The following KCNC2 variants were observed in gnomAD, a reference collection of about 807,000 sequenced individuals.
KCNC2 encodes the protein voltage-gated potassium channel KCNC2.
Under a neutral mutation model 44.5 loss-of-function variants are expected in KCNC2, and 21 were observed. That is an observed-to-expected ratio of 0.47 (90% CI 0.33 to 0.68). The LOEUF is 0.68. Ranked by LOEUF, KCNC2 falls within the 30% of genes least tolerant of loss-of-function variation. The pLI is 0.01. For missense variants in KCNC2, 589 were observed against 826.2 expected (o/e 0.71, Z 3.52); for synonymous variants, 391 against 339.1 (o/e 1.15, Z -1.68).
chr12:75,070,939 T>C (rs566557549), intron 2 of KCNC2, among the ~76,000 whole-genome samples: 39 of 152,332 alleles, frequency 2.6e-4, no homozygotes, highest in African/African-American at 9.4e-4. Context: ...ATATTCTTAA[T>C]GGCAGACATA....
At chr12:75,103,981 G>A (rs1468344341) in intron 2 of KCNC2, among the ~76,000 whole-genome samples, 1 of 152,156 alleles carries the variant, frequency 6.6e-6, no homozygotes, top group African/African-American at 2.4e-5. Context: ...GTATTGTGGT[G>A]TGAGTGTTAG....
intron 2 of KCNC2, among the ~76,000 whole-genome samples, chr12:75,172,469 T>C (rs1193247842): frequency 1.3e-5 from 2 of 151,604 alleles, no homozygotes. Context: ...CCTGCACATG[T>C]AACCCTCAAC....
intron 2 of KCNC2, among the ~76,000 whole-genome samples, chr12:75,055,657 T>G (rs1213981079): frequency 6.6e-6 from 1 of 152,116 alleles, no homozygotes; most frequent in Non-Finnish European, 1.5e-5. Flanking sequence ...TATTGGCTTG[T>G]GAGTCTAATC....
intron 4 of KCNC2, 22 bp from the exon 5 acceptor site, chr12:75,043,263 A>G (rs778492467): frequency 6.2e-7 from 1 of 1,611,166 alleles, no homozygotes; most frequent in Non-Finnish European, 8.5e-7. Flanking sequence ...AAATGCACAG[A>G]CATCAGTTGA....
intron 2 of KCNC2, among the ~76,000 whole-genome samples, chr12:75,164,080 A>G (rs2137539846): frequency 6.6e-6 from 1 of 151,838 alleles, no homozygotes; most frequent in Middle Eastern, 3.4e-3. Context: ...TTTAATAAAT[A>G]CATGACTTAA....
intron 2 of KCNC2, among the ~76,000 whole-genome samples, chr12:75,071,222 T>C (rs948997952): frequency 6.6e-6 from 1 of 152,152 alleles, no homozygotes; most frequent in African/African-American, 2.4e-5. Context: ...AGGCATTACA[T>C]AATGCCAGCG....
rs536284162 is a variant in KCNC2, at chr12:75,115,777, T to C, written c.688-64460A>G. 2.0e-5 allele frequency among the ~76,000 whole-genome samples: 3 copies of C among 152,130 alleles called. No homozygotes were observed. In the East Asian group the frequency reaches 5.8e-4, roughly 29 times the overall value. ...CTTTTTTTAAACAAAATTATTTAAT[T>C]ATTTAAACAAAATTATTTAAGAAAC... On this transcript the variant is annotated intron_variant, in intron 2 of 4. Transcript: ENST00000549446.
At chr12:75,098,275 A>G (rs934841687) in intron 2 of KCNC2, among the ~76,000 whole-genome samples, 6 of 152,166 alleles carry the variant, frequency 3.9e-5, no homozygotes, top group African/African-American at 9.7e-5. Flanking sequence ...AAGTACTCAC[A>G]TGTCTTATTA....
At chr12:75,065,614 C>G (rs1309952085) in intron 2 of KCNC2, among the ~76,000 whole-genome samples, 8 of 151,958 alleles carry the variant, frequency 5.3e-5, no homozygotes, top group Non-Finnish European at 1.2e-4. Flanking sequence ...CAATTGCCTA[C>G]AGTATTCAAT....
intron 2 of KCNC2, among the ~76,000 whole-genome samples, chr12:75,159,442 C>A (rs1247236229): frequency 1.3e-5 from 2 of 151,720 alleles, no homozygotes; most frequent in Non-Finnish European, 2.9e-5. Context: ...CAGTGTATGA[C>A]TGCCTGTTGC....
chr12:75,142,152 A>G (rs1889700831), intron 2 of KCNC2, among the ~76,000 whole-genome samples: 2 of 152,204 alleles, frequency 1.3e-5, no homozygotes, highest in East Asian at 1.9e-4. Context: ...GCTTCATTTC[A>G]TAGCTGAGAA....
intron 2 of KCNC2, among the ~76,000 whole-genome samples, chr12:75,134,218 T>C (rs1364993813): frequency 3.3e-5 from 5 of 151,844 alleles, no homozygotes; most frequent in Non-Finnish European, 7.4e-5. Flanking sequence ...GTACTTAAAA[T>C]ATAATAAAAA....
Position 75,043,242 on chromosome 12 carries a change from C to A in KCNC2, c.1781-1G>T, listed in dbSNP as rs983116997. The A allele has an allele frequency of 2.5e-6, 4 of 1,610,824 alleles. No individual in the cohort carries two copies. Among genetic ancestry groups the A allele is most frequent in the Non-Finnish European group, 8.5e-7 (1 of 1,178,268 alleles). ...TTTAAGCTTCGGGATTTTTCATATC[C>A]TTTTATGAAAAAATGCACAGACATC... On this transcript the variant is annotated splice_acceptor_variant, in intron 4 of 4. Transcript: ENST00000549446. LOFTEE classifies it high-confidence loss of function.
intron 2 of KCNC2, among the ~76,000 whole-genome samples, chr12:75,085,570 C>T (rs149590315): frequency 5.3e-5 from 8 of 152,174 alleles, no homozygotes; most frequent in African/African-American, 1.9e-4. Context: ...AATCTAACAT[C>T]AGAGCCTTTG....
intron 2 of KCNC2, among the ~76,000 whole-genome samples, chr12:75,115,477 T>C (rs999315093): frequency 1.3e-5 from 2 of 152,196 alleles, no homozygotes; most frequent in Non-Finnish European, 2.9e-5. Context: ...TTCATTTTGT[T>C]TATTTACTTA....
In KCNC2 at chr12:75,192,639, G is replaced by C. The variant is rs557586550; in HGVS notation, c.687+14658C>G. 3.3e-5 allele frequency among the ~76,000 whole-genome samples: 5 copies of C among 152,238 alleles called. No homozygotes were observed. The South Asian group carries it at 1.0e-3, about 32-fold the overall frequency. On this transcript the variant is annotated intron_variant, in intron 2 of 4. Transcript: ENST00000549446. ...TGAGAAAATCACACATTATGGCTAG[G>C]CTTCTAATTTTCTCAGTAGGATTGT...
intron 2 of KCNC2, among the ~76,000 whole-genome samples, chr12:75,202,953 C>A (rs2031406856): frequency 6.6e-6 from 1 of 151,600 alleles, no homozygotes; most frequent in Non-Finnish European, 1.5e-5. Context: ...CTTCTCCATG[C>A]ATTCCCAGTA....
intron 2 of KCNC2, among the ~76,000 whole-genome samples, chr12:75,091,856 C>G (rs1885510003): frequency 6.6e-6 from 1 of 151,550 alleles, no homozygotes; most frequent in South Asian, 2.1e-4. Flanking sequence ...TATGGAAATA[C>G]TATACATTTT....
At chr12:75,130,026 C>A (rs1250730138) in intron 2 of KCNC2, among the ~76,000 whole-genome samples, 2 of 152,132 alleles carry the variant, frequency 1.3e-5, no homozygotes, top group Non-Finnish European at 2.9e-5. Context: ...AGTTCTTTTT[C>A]TGTTTACCCT....
Sources: gnomAD v4.1 joint callset for allele counts (sites outside exome capture counted in the v4.1 genomes callset) on GRCh38, gnomAD v4.1.1 for gene constraint, MANE v1.5 for transcripts, NCBI Gene and HGNC (gene_info 2026-07-23, HGNC 2026-07-21) for gene names.